Variants in WWOX observed in about 807,000 individuals in gnomAD.
The protein encoded by WWOX is WW domain containing oxidoreductase.
Under a neutral mutation model 46.2 loss-of-function variants are expected in WWOX, and 69 were observed. That is an observed-to-expected ratio of 1.49 (90% CI 1.23 to 1.82). WWOX has a LOEUF of 1.82. Ranked by LOEUF, WWOX falls within the 40% of genes most tolerant of loss-of-function variation. WWOX has a pLI of 0.00. For missense variants in WWOX, 919 were observed against 542.6 expected, an observed-to-expected ratio of 1.69 and a Z score of -6.89; for synonymous variants, 359 against 202.6, an observed-to-expected ratio of 1.77 and a Z score of -6.56.
intron 8 of WWOX, among the ~76,000 whole-genome samples, chr16:78,783,011 C>G (rs187435285): frequency 6.6e-6 from 1 of 152,168 alleles, no homozygotes; most frequent in East Asian, 1.9e-4. Flanking sequence ...ATACTGAATC[C>G]TAGTGTGATC....
chr16:78,619,567 A>G (rs904936063), intron 8 of WWOX, among the ~76,000 whole-genome samples: 5 of 151,682 alleles, frequency 3.3e-5, no homozygotes, highest in African/African-American at 1.2e-4. Context: ...TTATTATACA[A>G]TTTGTTAAAT....
intron 8 of WWOX, chr16:78,526,555 C>G (rs763098055): frequency 6.6e-6 from 1 of 152,172 alleles, no homozygotes; most frequent in Non-Finnish European, 1.5e-5. Context: ...ACACCTGAAT[C>G]TAGGGCAAAC....
intron 5 of WWOX, among the ~76,000 whole-genome samples, chr16:78,194,109 A>C (rs1171730355): frequency 3.3e-5 from 5 of 151,290 alleles, no homozygotes; most frequent in Non-Finnish European, 7.4e-5. Context: ...CGATCTCCTG[A>C]CCTCGTGATC....
At chr16:78,470,411 T>G (rs1235852454) in intron 8 of WWOX, among the ~76,000 whole-genome samples, 16 of 152,356 alleles carry the variant, frequency 1.1e-4, no homozygotes, top group Non-Finnish European at 1.0e-4. Context: ...GATCTTTGTT[T>G]TTGACTTTGG....
At chr16:78,760,548 C>T (rs1194962811) in intron 8 of WWOX, among the ~76,000 whole-genome samples, 3 of 152,186 alleles carry the variant, frequency 2.0e-5, no homozygotes, top group Admixed American at 1.3e-4. Flanking sequence ...TTCCCAATCA[C>T]ACAGTCAGGA....
chr16:78,894,997 A>G lies in WWOX; in HGVS notation c.1057-316611A>G, dbSNP rs1302749321. 3.3e-5 allele frequency among the ~76,000 whole-genome samples: 5 copies of G among 152,258 alleles called. No individual in the cohort carries two copies. The East Asian group carries it at 9.7e-4, about 29-fold the overall frequency. On this transcript the variant is annotated intron_variant, in intron 8 of 8. Transcript: ENST00000566780. Reference sequence around the variant, plus strand: ...ACAACTAGGTGTACAGAAGCTGGAGATCCCATCATGCCGCCGGGCACCGGT... The same window carrying G: ...ACAACTAGGTGTACAGAAGCTGGAGGTCCCATCATGCCGCCGGGCACCGGT...
chr16:78,261,817 T>TATATATATATAC (rs1567464802), intron 5 of WWOX, among the ~76,000 whole-genome samples: 7 of 146,124 alleles, frequency 4.8e-5, no homozygotes, highest in African/African-American at 1.5e-4. Flanking sequence ...TATATATATA[T>TATATATATATAC]ACTTATAATG....
intron 8 of WWOX, among the ~76,000 whole-genome samples, chr16:78,471,160 C>T (rs1018839131): frequency 5.9e-5 from 9 of 152,174 alleles, no homozygotes; most frequent in Non-Finnish European, 1.3e-4. Context: ...ACAGAAGGTC[C>T]TCACGTTGCA....
rs1480519532 is a variant in WWOX, at chr16:78,642,888, T to G, written c.1056+210136T>G. 2.6e-5 allele frequency among the ~76,000 whole-genome samples: 4 copies of G among 152,146 alleles called. No individual in the cohort carries two copies. The East Asian group carries it at 5.8e-4, about 22-fold the overall frequency. On this transcript the variant is annotated intron_variant, in intron 8 of 8. Transcript: ENST00000566780. ...AAATTCTGGAATCCTACTGCCAAAT[T>G]ATGGCACTCATCCTACTTGGTGTAA... is the stretch of plus-strand genomic sequence containing the variant.
At chr16:78,802,665 C>G (rs891118305) in intron 8 of WWOX, among the ~76,000 whole-genome samples, 3 of 151,578 alleles carry the variant, frequency 2.0e-5, no homozygotes, top group Non-Finnish European at 4.4e-5. Context: ...CCTGTAATCC[C>G]AGCACTTTGA....
intron 8 of WWOX, among the ~76,000 whole-genome samples, chr16:78,460,315 G>A (rs2738648): frequency 0.28 from 42,248 of 151,930 alleles, 7,093 homozygotes; most frequent in African/African-American, 0.48. Flanking sequence ...TTTAGTAGAG[G>A]CGGAGTTTCA....
chr16:78,899,040 A>G (rs2044765053), intron 8 of WWOX: 1 of 151,996 alleles, frequency 6.6e-6, no homozygotes, highest in Non-Finnish European at 1.5e-5. Context: ...ACATCTCTGA[A>G]TATAGTTTTA....
chr16:78,209,188 A>C (rs1399584175), intron 5 of WWOX, among the ~76,000 whole-genome samples: 2 of 152,230 alleles, frequency 1.3e-5, no homozygotes, highest in Non-Finnish European at 1.5e-5. Flanking sequence ...AAAACCAGTA[A>C]ATTTTAAATA....
intron 8 of WWOX, among the ~76,000 whole-genome samples, chr16:78,445,077 A>G (rs962579220): frequency 1.3e-5 from 2 of 152,040 alleles, no homozygotes; most frequent in Non-Finnish European, 2.9e-5. Context: ...AGGTGAGCTC[A>G]TCTGTGAAAT....
intron 8 of WWOX, among the ~76,000 whole-genome samples, chr16:78,704,558 C>T (rs1383891250): frequency 6.6e-6 from 1 of 152,124 alleles, no homozygotes; most frequent in Non-Finnish European, 1.5e-5. Flanking sequence ...GTTTACGAAA[C>T]TCTAATCCAT....
chr16:78,425,198 C>T, intron 7 of WWOX, 143 bp downstream of exon 7: 1 of 1,148,010 alleles, frequency 8.7e-7, no homozygotes, highest in Non-Finnish European at 1.3e-6. Flanking sequence ...TTAATTTTTC[C>T]AGGTCTTTTT....
At chr16:78,450,194 CTTT>C (rs1042392835) in intron 8 of WWOX, among the ~76,000 whole-genome samples, 15 of 152,094 alleles carry the variant, frequency 9.9e-5, no homozygotes, top group African/African-American at 3.6e-4. Flanking sequence ...ATATCAAGCT[CTTT>C]TTATGCTTCT....
chr16:79,162,727 A>G (rs1249214397), intron 8 of WWOX, among the ~76,000 whole-genome samples: 1 of 152,186 alleles, frequency 6.6e-6, no homozygotes, highest in African/African-American at 2.4e-5. Flanking sequence ...TCAGAGGCTC[A>G]AGAATTGAGA....
chr16:78,866,742 T>G (rs1277614206), intron 8 of WWOX, among the ~76,000 whole-genome samples: 2 of 152,194 alleles, frequency 1.3e-5, no homozygotes, highest in Non-Finnish European at 2.9e-5. Context: ...AGGAATGCAC[T>G]GTTTCCAGCC....
Sources: gnomAD v4.1 joint callset for allele counts (sites outside exome capture counted in the v4.1 genomes callset) on GRCh38, gnomAD v4.1.1 for gene constraint, MANE v1.5 for transcripts, NCBI Gene and HGNC (gene_info 2026-07-23, HGNC 2026-07-21) for gene names.